Variants in CBLN2 observed in about 807,000 individuals in gnomAD.
The protein encoded by CBLN2 is cerebellin-2.
Under a neutral mutation model 15.0 loss-of-function variants are expected in CBLN2, and 7 were observed. That is an observed-to-expected ratio of 0.47 (90% CI 0.27 to 0.88). The LOEUF (loss-of-function observed/expected upper bound fraction) is 0.88. Among genes scored for constraint, CBLN2 ranks in the 40% least tolerant of loss-of-function variants. The pLI is 0.14. For synonymous variants in CBLN2, 149 were observed against 135.2 expected (o/e 1.10, Z -0.71); for missense variants, 242 against 304.5 (o/e 0.79, Z 1.53).
At chr18:72,567,780 G>C (rs2069305479) in intron 1 of CBLN2, among the ~76,000 whole-genome samples, 1 of 152,026 alleles carries the variant, frequency 6.6e-6, no homozygotes. Context: ...CTCAGCTTAG[G>C]CTTATTTTGC....
intron 1 of CBLN2, chr18:72,631,025 G>T (rs2069772727): frequency 6.6e-6 from 1 of 152,122 alleles, no homozygotes; most frequent in East Asian, 1.9e-4. Flanking sequence ...CTAATAATAG[G>T]ATGCTTGCCT....
upstream of CBLN2, among the ~76,000 whole-genome samples, chr18:72,549,043 G>GCC (rs2069176308): frequency 6.6e-6 from 1 of 151,406 alleles, no homozygotes; most frequent in Non-Finnish European, 1.5e-5. Context: ...ATGGAGTCTT[G>GCC]CTCTGTCACC....
chr18:72,601,266 T>C (rs767570656), intron 1 of CBLN2, among the ~76,000 whole-genome samples: 104 of 152,148 alleles, frequency 6.8e-4, no homozygotes, highest in Non-Finnish European at 1.1e-3. Context: ...AGCTTGGAGG[T>C]CAGAAGTAGG....
intron 1 of CBLN2, among the ~76,000 whole-genome samples, chr18:72,605,428 T>C (rs1267017366): frequency 3.9e-5 from 6 of 152,132 alleles, no homozygotes; most frequent in African/African-American, 1.4e-4. Context: ...TTTGCTAAAG[T>C]TTTTTCCGCT....
intron 1 of CBLN2, among the ~76,000 whole-genome samples, chr18:72,579,734 AAAAAAC>A (rs1341813149): frequency 1.2e-4 from 5 of 42,178 alleles, no homozygotes; most frequent in Non-Finnish European, 6.2e-4. Context: ...TCCGTCTCGC[AAAAAAC>A]AAAAAACAAA....
chr18:72,542,151 G>A lies in CBLN2; in HGVS notation c.10C>T (p.Pro4Ser). The A allele has an allele frequency of 2.3e-6, 3 of 1,311,490 alleles. No individual in the cohort carries two copies. Among genetic ancestry groups the A allele is most frequent in the Non-Finnish European group, 1.9e-6 (2 of 1,037,622 alleles). 81.2% of individuals were successfully genotyped at this position (1,311,490 alleles called of 1,614,324 possible). MQA[P>S]GRGPLGLRLM... ...CGCAGCCCGAGTGGCCCCCGGCCGG[G>A]CGCCTGCATCGGGACTGGTGGGAGG... The change falls in exon 3 of 5, where the codon CCC (proline) becomes TCC (serine). Residue 4 changes from proline to serine, a missense_variant. Physicochemically the swap from Pro to Ser is moderately conservative, Grantham distance 74. Transcript: ENST00000269503.
chr18:72,576,428 C>G (rs11661617), intron 1 of CBLN2, among the ~76,000 whole-genome samples: 1 of 151,916 alleles, frequency 6.6e-6, no homozygotes, highest in Non-Finnish European at 1.5e-5. Context: ...AGTGTGCAGC[C>G]GGTTATATCA....
chr18:72,565,049 C>T (rs2069285616), intron 1 of CBLN2, among the ~76,000 whole-genome samples: 1 of 152,144 alleles, frequency 6.6e-6, no homozygotes, highest in Non-Finnish European at 1.5e-5. Flanking sequence ...AGCTATCCTT[C>T]ATAAATGAAG....
Position 72,604,263 on chromosome 18 carries a change from G to T in CBLN2, c.15+34062C>A, listed in dbSNP as rs73478301. ...TAAGTGATGCATTGCTCTAATTAAA[G>T]CAATGCTTCATTCCTCTCCTTGTTT... On this transcript the variant is annotated intron_variant, in intron 1 of 2. Coordinates refer to the CBLN2 transcript ENST00000581073. Among the ~76,000 whole-genome samples, 742 of 152,230 alleles carry T rather than the reference G, an allele frequency of 4.9e-3. 7 individuals carry two copies. The highest frequency in any genetic ancestry group is 0.017 in the African/African-American group (703 of 41,526).
chr18:72,636,851 G>T (rs984555940), intron 1 of CBLN2, among the ~76,000 whole-genome samples: 2 of 151,980 alleles, frequency 1.3e-5, no homozygotes, highest in Admixed American at 6.6e-5. Flanking sequence ...TTCATGACTT[G>T]AAATTTTATA....
chr18:72,601,437 T>C (rs113635849), intron 1 of CBLN2, among the ~76,000 whole-genome samples: 32 of 151,546 alleles, frequency 2.1e-4, no homozygotes, highest in African/African-American at 7.0e-4. Flanking sequence ...ATTCCATAAA[T>C]AGATGTGTCC....
chr18:72,589,356 G>T (rs2069463957), intron 1 of CBLN2, among the ~76,000 whole-genome samples: 3 of 152,294 alleles, frequency 2.0e-5, no homozygotes, highest in Admixed American at 2.0e-4. Context: ...AAAATGAGTT[G>T]ATTTCATTTG....
chr18:72,589,479 T>C (rs1169235369), intron 1 of CBLN2, among the ~76,000 whole-genome samples: 3 of 152,282 alleles, frequency 2.0e-5, no homozygotes, highest in African/African-American at 7.2e-5. Flanking sequence ...ATACCACATA[T>C]GGGCTGTGGT....
intron 1 of CBLN2, among the ~76,000 whole-genome samples, chr18:72,626,140 G>A (rs562010616): frequency 2.6e-5 from 4 of 151,738 alleles, no homozygotes; most frequent in East Asian, 1.9e-4. Flanking sequence ...TCTCCCGTTC[G>A]GCAAACATTT....
At chr18:72,546,478 AT>A (rs1391716458), upstream of CBLN2, among the ~76,000 whole-genome samples, 1 of 152,120 alleles carries the variant, frequency 6.6e-6, no homozygotes, top group Admixed American at 6.5e-5. Flanking sequence ...AAGTGTTGGA[AT>A]TTTAGCTTGT....
chr18:72,542,154 C>T lies in CBLN2; in HGVS notation c.7G>A (p.Ala3Thr). 1.5e-6 allele frequency: 2 copies of T among 1,308,682 alleles called. No individual in the cohort carries two copies. Among genetic ancestry groups the T allele is most frequent in the Non-Finnish European group, 1.9e-6 (2 of 1,035,878 alleles). 81.1% of individuals were successfully genotyped at this position (1,308,682 alleles called of 1,614,324 possible). A position where few individuals can be genotyped will look rare whatever the true frequency, so the allele number is the denominator to read the frequency against. The change falls in exon 3 of 5, where the codon GCG becomes ACG. Residue 3 changes from alanine to threonine, a missense_variant. Ala to Thr is a moderately conservative substitution (Grantham distance 58). This residue lies in a region of CBLN2 where 96 missense variants were observed against 83.8 expected (regional missense o/e 1.15). Coordinates refer to ENST00000269503, the MANE Select transcript of CBLN2 (RefSeq NM_182511.4). MQ[A>T]PGRGPLGLRL... ...AGCCCGAGTGGCCCCCGGCCGGGCG[C>T]CTGCATCGGGACTGGTGGGAGGCGG...
intron 1 of CBLN2, among the ~76,000 whole-genome samples, chr18:72,629,746 TA>T (rs2069762841): frequency 6.6e-6 from 1 of 152,108 alleles, no homozygotes; most frequent in Non-Finnish European, 1.5e-5. Flanking sequence ...TCTTTTTCCT[TA>T]GGATTACATA....
chr18:72,637,783 G>C lies in CBLN2; in HGVS notation c.15+542C>G, dbSNP rs77169622. On this transcript the variant is annotated intron_variant, in intron 1 of 2. Transcript: ENST00000581073. ...GATCTTTCATTCCCTGAGAGAAATA[G>C]GGGAGAAAAGCAGTAAGCAGAAACC... 2.2e-4 allele frequency among the ~76,000 whole-genome samples: 33 copies of C among 152,326 alleles called. No homozygotes were observed. In the East Asian group the frequency reaches 6.2e-3, roughly 29 times the overall value.
intron 1 of CBLN2, among the ~76,000 whole-genome samples, chr18:72,590,133 C>T (rs1038340263): frequency 3.3e-5 from 5 of 152,152 alleles, no homozygotes; most frequent in East Asian, 1.9e-4. Context: ...GGCATGGTGG[C>T]GGGCACCTGT....
Sources: allele counts gnomAD v4.1 joint callset (sites outside exome capture counted in the v4.1 genomes callset), GRCh38; gene constraint gnomAD v4.1.1; regional missense constraint gnomAD v4.1.1; transcripts MANE v1.5; gene names NCBI Gene and HGNC (gene_info 2026-07-23, HGNC 2026-07-21).